Variants in PRKCA observed in about 807,000 individuals in gnomAD.
PRKCA encodes protein kinase C alpha.
PRKCA carries 27 observed loss-of-function variants against 87.0 expected under a neutral mutation model. The observed-to-expected ratio is 0.31, with a 90% CI of 0.23 to 0.43. The LOEUF (loss-of-function observed/expected upper bound fraction) is 0.43. PRKCA is among the 20% of genes least tolerant of loss of function. The pLI, the probability that PRKCA is intolerant of heterozygous loss-of-function variation, is 1.00. For synonymous variants in PRKCA, 329 were observed against 311.1 expected (o/e 1.06, Z -0.61); for missense variants, 518 against 852.3 (o/e 0.61, Z 4.88).
At chr17:66,364,317 CTCAA>C (rs1377955731) in intron 2 of PRKCA, 2 of 152,170 alleles carry the variant, frequency 1.3e-5, no homozygotes, top group Non-Finnish European at 2.9e-5. Flanking sequence ...TAGACCCCAT[CTCAA>C]TCAATCAGTA....
At chr17:66,310,598 A>G (rs913448220) in intron 2 of PRKCA, among the ~76,000 whole-genome samples, 1 of 152,106 alleles carries the variant, frequency 6.6e-6, no homozygotes, top group African/African-American at 2.4e-5. Flanking sequence ...CAGAGAAGGT[A>G]TTTGCATTGG....
chr17:66,322,479 A>C (rs1598590037), intron 2 of PRKCA, among the ~76,000 whole-genome samples: 1 of 152,026 alleles, frequency 6.6e-6, no homozygotes, highest in Non-Finnish European at 1.5e-5. Flanking sequence ...AAATTTTTTA[A>C]AGAGATGGAG....
intron 2 of PRKCA, among the ~76,000 whole-genome samples, chr17:66,336,560 T>C (rs2143317984): frequency 7.6e-6 from 1 of 130,882 alleles, no homozygotes; most frequent in East Asian, 2.3e-4. Flanking sequence ...TTCATTGTGC[T>C]TTGCTCTTTT....
rs138665252 is a variant in PRKCA at position 66,494,797 on chromosome 17, C to G, written c.206-1404C>G. Among the ~76,000 whole-genome samples, 650 of 152,214 alleles carry G rather than the reference C, an allele frequency of 4.3e-3. 2 individuals carry two copies. Among genetic ancestry groups the G allele is most frequent in the South Asian group, 0.017 (83 of 4,822 alleles). ...ATTTTTTGCGTCCTCTATCTTATTA[C>G]CATCAATACAAACCTTTCAGGGGGA... On this transcript the variant is annotated intron_variant, in intron 2 of 16. Transcript: ENST00000413366.
chr17:66,737,841 T>G (rs1405536955), intron 10 of PRKCA, among the ~76,000 whole-genome samples: 7 of 152,250 alleles, frequency 4.6e-5, no homozygotes, highest in Non-Finnish European at 4.4e-5. Flanking sequence ...GATTAAGCTC[T>G]GGAAAGCTAC....
chr17:66,652,338 A>G (rs1971610667), intron 5 of PRKCA, among the ~76,000 whole-genome samples: 1 of 152,214 alleles, frequency 6.6e-6, no homozygotes, highest in Non-Finnish European at 1.5e-5. Flanking sequence ...CCTGGATCCA[A>G]GAAAAAAACA....
chr17:66,624,551 A>T (rs985728593), intron 3 of PRKCA, among the ~76,000 whole-genome samples: 2 of 152,198 alleles, frequency 1.3e-5, no homozygotes, highest in Admixed American at 1.3e-4. Flanking sequence ...TTGTAATCCC[A>T]GCACTTTGGG....
chr17:66,589,119 G>C (rs530730926), intron 3 of PRKCA, among the ~76,000 whole-genome samples: 1 of 152,164 alleles, frequency 6.6e-6, no homozygotes, highest in South Asian at 2.1e-4. Flanking sequence ...GGGATCTTAA[G>C]TTCTTATGAC....
At position 66,511,092 on chromosome 17, in the gene PRKCA, T is replaced by C. The variant is rs116740480; in HGVS notation, c.288+14809T>C. Among the ~76,000 whole-genome samples, 357 of 152,312 alleles carry C rather than the reference T, an allele frequency of 2.3e-3. 2 individuals carry two copies. The highest frequency in any genetic ancestry group is 6.8e-3 in the Middle Eastern group (2 of 294). ...TTCGTGTCATAAAACATGCCTGTGATGAATGCCTTTAGGAAAGCAGTACGC... is the reference window on the plus strand; with the variant it reads ...TTCGTGTCATAAAACATGCCTGTGACGAATGCCTTTAGGAAAGCAGTACGC... On this transcript the variant is annotated intron_variant, in intron 3 of 16. Transcript: ENST00000413366.
intron 2 of PRKCA, among the ~76,000 whole-genome samples, chr17:66,424,535 A>G (rs1361935425): frequency 6.9e-5 from 10 of 145,570 alleles, no homozygotes; most frequent in African/African-American, 5.3e-5. Context: ...CCACTGCACT[A>G]TAGCCGAGGC....
chr17:66,350,984 G>A (rs891840569), intron 2 of PRKCA, among the ~76,000 whole-genome samples: 5 of 152,196 alleles, frequency 3.3e-5, no homozygotes, highest in Admixed American at 1.3e-4. Context: ...CACACTTCTC[G>A]TTTTATCATG....
chr17:66,769,417 G>A (rs1974883520), intron 13 of PRKCA, among the ~76,000 whole-genome samples: 1 of 151,602 alleles, frequency 6.6e-6, no homozygotes, highest in Admixed American at 6.6e-5. Flanking sequence ...ATTTTCCTGT[G>A]TTTAATACTT....
chr17:66,732,372 C>T (rs1266334372), intron 8 of PRKCA, among the ~76,000 whole-genome samples: 1 of 152,120 alleles, frequency 6.6e-6, no homozygotes, highest in East Asian at 1.9e-4. Flanking sequence ...ACTGTTTTTC[C>T]CAAGAAGTCG....
intron 3 of PRKCA, among the ~76,000 whole-genome samples, chr17:66,613,779 C>CTTTTTTTTTTTTTTTTTTTTTTTTT (rs57610655): frequency 1.4e-5 from 1 of 69,386 alleles, no homozygotes; most frequent in Non-Finnish European, 2.4e-5. Context: ...TGACTTCATC[C>CTTTTTTTTTTTTTTTTTTTTTTTTT]TTTTTTTTTT....
At chr17:66,570,039 A>G (rs999274192) in intron 3 of PRKCA, among the ~76,000 whole-genome samples, 2 of 152,238 alleles carry the variant, frequency 1.3e-5, no homozygotes, top group African/African-American at 2.4e-5. Flanking sequence ...GTATAATCCT[A>G]TCATGGGGTA....
At chr17:66,469,534 A>G (rs1469634477) in intron 2 of PRKCA, among the ~76,000 whole-genome samples, 5 of 152,222 alleles carry the variant, frequency 3.3e-5, no homozygotes, top group Non-Finnish European at 7.3e-5. Flanking sequence ...TATCTGAGCA[A>G]TTCATTACTA....
At chr17:66,396,370 T>G (rs943244989) in intron 2 of PRKCA, among the ~76,000 whole-genome samples, 4 of 152,178 alleles carry the variant, frequency 2.6e-5, no homozygotes, top group Non-Finnish European at 5.9e-5. Context: ...TCATTTGCCT[T>G]TTCCTTCACG....
At chr17:66,616,659 G>A (rs1402623675) in intron 3 of PRKCA, among the ~76,000 whole-genome samples, 1 of 151,934 alleles carries the variant, frequency 6.6e-6, no homozygotes, top group Non-Finnish European at 1.5e-5. Flanking sequence ...CCAAGATGGT[G>A]GAAACCACTT....
In PRKCA at chr17:66,792,273, C is replaced by T. The variant is rs1028626637; in HGVS notation, c.1854+3294C>T. 3.3e-5 allele frequency among the ~76,000 whole-genome samples: 5 copies of T among 152,216 alleles called. No individual in the cohort carries two copies. Among genetic ancestry groups the T allele is most frequent in the African/African-American group, 9.6e-5 (4 of 41,458 alleles). On this transcript the variant is annotated intron_variant, in intron 16 of 16. Transcript: ENST00000413366. The surrounding 1 kb of genome is among the most constrained non-coding windows in gnomAD (Gnocchi z 4.5). ...TAAACCTTTGCTTACTACCAAATAC[C>T]AGTAGCGGGACTTCAGGTTCTCACA...
Sources: gnomAD v4.1 joint callset for allele counts (sites outside exome capture counted in the v4.1 genomes callset) on GRCh38, gnomAD v4.1.1 for gene constraint, Gnocchi (gnomAD v3.1) non-coding constraint, MANE v1.5 for transcripts, NCBI Gene and HGNC (gene_info 2026-07-23, HGNC 2026-07-21) for gene names.